NANOG: variants seen among roughly 807,000 people sequenced by gnomAD.
NANOG encodes Nanog homeobox.
In NANOG, 2 loss-of-function variants were observed where a neutral mutation model predicts 17.7. The ratio of observed to expected loss-of-function variants is 0.11; its 90% CI spans 0.05 to 0.36. NANOG has a LOEUF of 0.36. Among genes scored for constraint, NANOG ranks in the 10% least tolerant of loss-of-function variants. NANOG has a pLI of 1.00. For synonymous variants in NANOG, 81 were observed against 124.7 expected (o/e 0.65, Z 2.33); for missense variants, 174 against 362.1 (o/e 0.48, Z 4.22).
In NANOG at chr12:7,794,522, G is replaced by A. The variant is rs761729835; in HGVS notation, c.480G>A (p.Lys160=). The A allele has an allele frequency of 1.1e-5, 18 of 1,613,570 alleles. 1 individual carries two copies. The highest frequency in any genetic ancestry group is 4.4e-5 in the South Asian group (4 of 90,966). The change falls in exon 3 of 4, where the codon AAG becomes AAA. Residue 160 remains lysine, a synonymous_variant. Transcript: ENST00000229307. ...SKRWQKNNWP[K]NSNGVTQKAS... is the part of the protein sequence containing the mutation. ...GGTGGCAGAAAAACAACTGGCCGAA[G>A]AATAGCAATGGTGTGACGCAGGTAA...
intron 1 of NANOG, among the ~76,000 whole-genome samples, chr12:7,790,622 T>C (rs1487128964): frequency 6.6e-6 from 1 of 152,212 alleles, no homozygotes; most frequent in African/African-American, 2.4e-5. Flanking sequence ...TTGGTAACAC[T>C]GAACGCTGTA....
At chr12:7,791,230 CT>C (rs1862836679) in intron 1 of NANOG, among the ~76,000 whole-genome samples, 1 of 151,660 alleles carries the variant, frequency 6.6e-6, no homozygotes, top group Non-Finnish European at 1.5e-5. Context: ...CTGTCTCAGT[CT>C]CTCGAGTAGC....
chr12:7,794,371 C>G, intron 2 of NANOG, 86 bp from the exon 3 acceptor site: 1 of 1,266,140 alleles, frequency 7.9e-7, no homozygotes, highest in Non-Finnish European at 1.1e-6. Flanking sequence ...TGGCACCTGG[C>G]CAGGAATAAA....
chr12:7,798,973 T>TCGA lies in NANOG; in HGVS notation c.*3880_*3882dup, dbSNP rs2120587898. The TCGA allele has an allele frequency of 6.7e-6, 1 of 149,648 alleles. No individual in the cohort carries two copies. The highest frequency in any genetic ancestry group is 2.2e-4 in the South Asian group (1 of 4,620). 9.3% of individuals were successfully genotyped at this position (149,648 alleles called of 1,614,324 possible). On this transcript the variant is annotated 3_prime_UTR_variant, in exon 4 of 4. Coordinates refer to ENST00000229307, the MANE Select transcript of NANOG (RefSeq NM_024865.4). ...AAAGCTTCCGGCACAGGAAGTTAGT[T>TCGA]CGACTAAGGATACCGAAATGTAGGA...
At position 7,796,693 on chromosome 12, in the gene NANOG, C is replaced by T. The variant is rs918650238; in HGVS notation, c.*1598C>T. On this transcript the variant is annotated 3_prime_UTR_variant, in exon 4 of 4. Transcript: ENST00000229307. Reference sequence around the variant, plus strand: ...TCAGAGTGGTTTTTTCCAGTCTTTTCTCTCATTATTTCCCCAATTGTCCAA... The same window carrying T: ...TCAGAGTGGTTTTTTCCAGTCTTTTTTCTCATTATTTCCCCAATTGTCCAA... 1 of 107,272 alleles carries T rather than the reference C, an allele frequency of 9.3e-6. No individual in the cohort carries two copies. The highest frequency in any genetic ancestry group is 2.3e-5 in the Non-Finnish European group (1 of 43,354). The allele number at this position is 107,272 out of a possible 1,614,324, so 6.6% of individuals were successfully genotyped here.
Position 7,793,589 on chromosome 12 carries a change from G to C in NANOG, c.414+377G>C, listed in dbSNP as rs908447657. ...TTTTTTCTTTCTGCCAGCAACTCCA[G>C]CTTGTTTTGTTTTTTATCTGTGTGC... On this transcript the variant is annotated intron_variant, in intron 2 of 3. Coordinates refer to ENST00000229307, the MANE Select transcript of NANOG (RefSeq NM_024865.4). 2.0e-5 allele frequency among the ~76,000 whole-genome samples: 3 copies of C among 151,978 alleles called. No individual in the cohort carries two copies. The South Asian group carries it at 6.2e-4, about 31-fold the overall frequency.
chr12:7,793,299 T>C, intron 2 of NANOG, 87 bp downstream of exon 2: 2 of 1,271,096 alleles, frequency 1.6e-6, no homozygotes, highest in African/African-American at 1.5e-5. Flanking sequence ...TGTAGATGTG[T>C]GTACTATGTG....
At chr12:7,791,379 TG>T (rs1361835729) in intron 1 of NANOG, among the ~76,000 whole-genome samples, 2 of 152,164 alleles carry the variant, frequency 1.3e-5, no homozygotes, top group African/African-American at 4.8e-5. Flanking sequence ...GCACCGCGCC[TG>T]GCCACCTTTA....
intron 1 of NANOG, among the ~76,000 whole-genome samples, chr12:7,791,010 G>T (rs1345751595): frequency 1.3e-5 from 2 of 152,010 alleles, no homozygotes; most frequent in Non-Finnish European, 2.9e-5. Flanking sequence ...TTCCCAAGTC[G>T]CTGGGATTAC....
intron 2 of NANOG, among the ~76,000 whole-genome samples, chr12:7,794,186 G>GT (rs2120572329): frequency 6.6e-6 from 1 of 152,232 alleles, no homozygotes; most frequent in Admixed American, 6.5e-5. Flanking sequence ...CGATCCTCCC[G>GT]TCTCAGCCTC....
rs764765124 is a variant in NANOG at position 7,792,936 on chromosome 12, T to C, written c.152-14T>C. On this transcript the variant is annotated splice_polypyrimidine_tract_variant and intron_variant, in intron 1 of 3. Transcript: ENST00000229307. ...AATTTTAGACAAAAGTGTCCTTTTA[T>C]TTGTTCCCAACAGTCTCTCCTCTTC... is the stretch of plus-strand genomic sequence containing the variant. 6.4e-7 allele frequency: 1 copy of C among 1,571,638 alleles called. No homozygotes were observed. The highest frequency in any genetic ancestry group is 2.0e-5 in the Admixed American group (1 of 51,046).
At position 7,798,716 on chromosome 12, in the gene NANOG, G is replaced by C. The variant is rs1398212385; in HGVS notation, c.*3621G>C. ...CTCAGTTCTCGGGGTGAAGGACAAG[G>C]TTAATTCTACTCTGAGTAATTCTAC... On this transcript the variant is annotated 3_prime_UTR_variant, in exon 4 of 4. Coordinates refer to ENST00000229307, the MANE Select transcript of NANOG (RefSeq NM_024865.4). 4.4e-5 allele frequency: 2 copies of C among 45,144 alleles called. No individual in the cohort carries two copies. Among genetic ancestry groups the C allele is most frequent in the Middle Eastern group, 9.1e-3 (1 of 110 alleles). The allele number at this position is 45,144 out of a possible 1,614,324, so 2.8% of individuals were successfully genotyped here.
At chr12:7,793,304 T>G (rs996739577) in intron 2 of NANOG, 92 bp downstream of exon 2, 2 of 1,207,980 alleles carry the variant, frequency 1.7e-6, no homozygotes, top group African/African-American at 3.0e-5. Flanking sequence ...ATGTGTGTAC[T>G]ATGTGTCCGT....
chr12:7,789,863 A>G (rs1034080069), intron 1 of NANOG, 98 bp downstream of exon 1: 1 of 1,264,746 alleles, frequency 7.9e-7, no homozygotes, highest in South Asian at 1.2e-5. Context: ...GCAATGATGG[A>G]CCATTACTAT....
Position 7,798,004 on chromosome 12 carries a change from C to T in NANOG, c.*2909C>T, listed in dbSNP as rs1592120028. 7.0e-6 allele frequency: 1 copy of T among 142,476 alleles called. No individual in the cohort carries two copies. The highest frequency in any genetic ancestry group is 1.5e-5 in the Non-Finnish European group (1 of 67,228). 8.8% of individuals were successfully genotyped at this position (142,476 alleles called of 1,614,324 possible). A position where few individuals can be genotyped will look rare whatever the true frequency, so the allele number is the denominator to read the frequency against. ...TTTTTAATCACCCAGTATTAATCTT[C>T]AACCTCTTGGCAGGTAAGAATTTAG... is the stretch of plus-strand genomic sequence containing the variant. On this transcript the variant is annotated 3_prime_UTR_variant, in exon 4 of 4. Coordinates refer to ENST00000229307, the MANE Select transcript of NANOG (RefSeq NM_024865.4).
At chr12:7,793,887 G>T (rs188617120) in intron 2 of NANOG, among the ~76,000 whole-genome samples, 1 of 151,308 alleles carries the variant, frequency 6.6e-6, no homozygotes, top group Admixed American at 6.6e-5. Flanking sequence ...GATTACAGGC[G>T]CCCGCCACTA....
At chr12:7,790,953 C>A (rs1427940700) in intron 1 of NANOG, among the ~76,000 whole-genome samples, 2 of 152,200 alleles carry the variant, frequency 1.3e-5, no homozygotes, top group South Asian at 4.2e-4. Flanking sequence ...CTTTGCAGCT[C>A]GGGCTGGTCT....
At chr12:7,791,097 C>A (rs954503094) in intron 1 of NANOG, among the ~76,000 whole-genome samples, 2 of 132,446 alleles carry the variant, frequency 1.5e-5, no homozygotes, top group East Asian at 2.9e-4. Context: ...TTTATAATTT[C>A]TTTCTTTCTT....
intron 2 of NANOG, among the ~76,000 whole-genome samples, chr12:7,793,978 C>A (rs1293631006): frequency 6.6e-6 from 1 of 152,206 alleles, no homozygotes; most frequent in African/African-American, 2.4e-5. Context: ...CTCCTGACCT[C>A]AAGTGATCCA....
Sources: allele counts gnomAD v4.1 joint callset (sites outside exome capture counted in the v4.1 genomes callset), GRCh38; gene constraint gnomAD v4.1.1; transcripts MANE v1.5; gene names NCBI Gene and HGNC (gene_info 2026-07-23, HGNC 2026-07-21).